RHOQ: variants seen among roughly 807,000 people sequenced by gnomAD.
The protein encoded by RHOQ is ras homolog family member Q.
Under a neutral mutation model 25.8 loss-of-function variants are expected in RHOQ, and 7 were observed. The ratio of observed to expected loss-of-function variants is 0.27; its 90% CI spans 0.15 to 0.51. The LOEUF (loss-of-function observed/expected upper bound fraction) is 0.51. Ranked by LOEUF, RHOQ falls within the 20% of genes least tolerant of loss-of-function variation. The pLI, the probability that RHOQ is intolerant of heterozygous loss-of-function variation, is 0.97. For synonymous variants in RHOQ, 97 were observed against 98.6 expected, an observed-to-expected ratio of 0.98 and a Z score of 0.10; for missense variants, 165 against 260.6, an observed-to-expected ratio of 0.63 and a Z score of 2.53.
chr2:46,543,879 C>T lies in RHOQ; in HGVS notation c.201+67C>T, dbSNP rs1274462046. ...CCAGTTCTTTGTGGCTGCGAAGGGCCTTTGGAAACCGAGGTGTCTAGGTGG... is the reference window on the plus strand; with the variant it reads ...CCAGTTCTTTGTGGCTGCGAAGGGCTTTTGGAAACCGAGGTGTCTAGGTGG... On this transcript the variant is annotated intron_variant, in intron 2 of 4. Transcript: ENST00000238738. The T allele has an allele frequency of 2.1e-6, 3 of 1,418,808 alleles. No individual in the cohort carries two copies. In the South Asian group the frequency reaches 3.6e-5, roughly 17 times the overall value. 87.9% of individuals were successfully genotyped at this position (1,418,808 alleles called of 1,614,324 possible).
At chr2:46,578,329 C>T (rs1452972592) in intron 4 of RHOQ, among the ~76,000 whole-genome samples, 1 of 151,818 alleles carries the variant, frequency 6.6e-6, no homozygotes, top group East Asian at 1.9e-4. Context: ...CAAGCAATTC[C>T]ATATGTAAGA....
intron 2 of RHOQ, chr2:46,560,761 A>G (rs1668551274): frequency 3.3e-6 from 1 of 304,370 alleles, no homozygotes; most frequent in Non-Finnish European, 6.9e-6. Flanking sequence ...TGTATAGACC[A>G]TGACTTTTCA....
rs567938869 is a variant in RHOQ at position 46,546,600 on chromosome 2, C to G, written c.201+2788C>G. On this transcript the variant is annotated intron_variant, in intron 2 of 4. Coordinates refer to ENST00000238738, the MANE Select transcript of RHOQ (RefSeq NM_012249.4). ...GGCTTTGGAACAAAACAGGCCTGGG[C>G]TCAGATCTCCACCTTAGCTAGTCAT... Among the ~76,000 whole-genome samples, 15 of 145,588 alleles carry G rather than the reference C, an allele frequency of 1.0e-4. No homozygotes were observed. The East Asian group carries it at 2.6e-3, about 25-fold the overall frequency.
At chr2:46,568,492 T>C (rs1558689664) in intron 2 of RHOQ, 1 of 152,170 alleles carries the variant, frequency 6.6e-6, no homozygotes, top group Non-Finnish European at 1.5e-5. Flanking sequence ...GCGTCAAACA[T>C]TGGTCATCAT....
Position 46,584,060 on chromosome 2 carries a change from T to C in RHOQ, c.*2977T>C, listed in dbSNP as rs1270829266. Among the ~76,000 whole-genome samples the C allele has an allele frequency of 2.6e-5, 4 of 152,216 alleles. No individual in the cohort carries two copies. The highest frequency in any genetic ancestry group is 9.6e-5 in the African/African-American group (4 of 41,468). On this transcript the variant is annotated 3_prime_UTR_variant, in exon 5 of 5. Transcript: ENST00000238738. ...GAGCTTGGATTAATGGGTTTTGTTATGAATTATCTTAGTGACTTTAGACAC... is the reference window on the plus strand; with the variant it reads ...GAGCTTGGATTAATGGGTTTTGTTACGAATTATCTTAGTGACTTTAGACAC...
Position 46,566,484 on chromosome 2 carries a change from C to G in RHOQ, c.202-9603C>G, listed in dbSNP as rs1558688871. 2.6e-5 allele frequency among the ~76,000 whole-genome samples: 4 copies of G among 152,180 alleles called. No individual in the cohort carries two copies. Among genetic ancestry groups the G allele is most frequent in the Admixed American group, 2.6e-4 (4 of 15,280 alleles). ...AATCCACCATTTCTCTAGCTGTCAACTGCTGTCCCTTAGTCTAAGCTTCCA... is the reference window on the plus strand; with the variant it reads ...AATCCACCATTTCTCTAGCTGTCAAGTGCTGTCCCTTAGTCTAAGCTTCCA... On this transcript the variant is annotated intron_variant, in intron 2 of 4. Coordinates refer to ENST00000238738, the MANE Select transcript of RHOQ (RefSeq NM_012249.4). The surrounding 1 kb of genome is among the most constrained non-coding windows in gnomAD (Gnocchi z 4.2).
At chr2:46,543,847 C>G (rs756797999) in intron 2 of RHOQ, 35 bp downstream of exon 2, 2 of 1,594,360 alleles carry the variant, frequency 1.3e-6, no homozygotes, top group African/African-American at 2.7e-5. Context: ...CGCCCCCCTC[C>G]TGTTCCCCAG....
At chr2:46,578,892 A>T (rs1431532223) in intron 4 of RHOQ, among the ~76,000 whole-genome samples, 1 of 123,866 alleles carries the variant, frequency 8.1e-6, no homozygotes, top group African/African-American at 3.6e-5. Flanking sequence ...TAATCATTTC[A>T]CTCGTGTGTG....
At position 46,581,511 on chromosome 2, in the gene RHOQ, C is replaced by A; in HGVS notation, c.*428C>A. Reference sequence around the variant, plus strand: ...TCTTGTATGTAAGTTGCTTTCTATTCCAGTATATCCAGAGTGGTGAAATAA... The same window carrying A: ...TCTTGTATGTAAGTTGCTTTCTATTACAGTATATCCAGAGTGGTGAAATAA... On this transcript the variant is annotated 3_prime_UTR_variant, in exon 5 of 5. Coordinates refer to ENST00000238738, the MANE Select transcript of RHOQ (RefSeq NM_012249.4). 1 of 1,611,462 alleles carries A rather than the reference C, an allele frequency of 6.2e-7. No homozygotes were observed.
At chr2:46,544,405 TAGG>T (rs772858678) in intron 2 of RHOQ, among the ~76,000 whole-genome samples, 3 of 152,172 alleles carry the variant, frequency 2.0e-5, no homozygotes, top group Non-Finnish European at 2.9e-5. Context: ...GAGGAAGGGT[TAGG>T]AGTTTAGAGT....
chr2:46,573,882 AATAAT>A (rs1002004213), intron 2 of RHOQ, among the ~76,000 whole-genome samples: 6 of 152,244 alleles, frequency 3.9e-5, no homozygotes, highest in African/African-American at 1.4e-4. Context: ...TGAGTACAGT[AATAAT>A]ATATCATTCT....
In RHOQ at chr2:46,581,178, A is replaced by C. The variant is rs1669354928; in HGVS notation, c.*95A>C. 5 of 1,072,150 alleles carry C rather than the reference A, an allele frequency of 4.7e-6. No individual in the cohort carries two copies. The highest frequency in any genetic ancestry group is 5.7e-5 in the Admixed American group (2 of 34,964). 66.4% of individuals were successfully genotyped at this position (1,072,150 alleles called of 1,614,324 possible). The stretch of plus-strand genomic sequence containing the variant: ...CCAGACCTTTTATAGGTAATGAAGC[A>C]GTTCAAAACTTGAAAGAAAACAAAA... On this transcript the variant is annotated 3_prime_UTR_variant, in exon 5 of 5. Coordinates refer to ENST00000238738, the MANE Select transcript of RHOQ (RefSeq NM_012249.4).
At chr2:46,549,962 C>G (rs1668190258) in intron 2 of RHOQ, among the ~76,000 whole-genome samples, 1 of 152,182 alleles carries the variant, frequency 6.6e-6, no homozygotes, top group Non-Finnish European at 1.5e-5. Context: ...GTGGCATGTT[C>G]TTGTCTGTAA....
intron 2 of RHOQ, among the ~76,000 whole-genome samples, chr2:46,571,828 G>A (rs763872840): frequency 3.3e-5 from 5 of 152,010 alleles, no homozygotes; most frequent in Non-Finnish European, 7.4e-5. Flanking sequence ...GAAATGTTTT[G>A]GATATGTATT....
intron 2 of RHOQ, among the ~76,000 whole-genome samples, chr2:46,559,199 T>C (rs1182763388): frequency 6.6e-6 from 1 of 152,184 alleles, no homozygotes; most frequent in Non-Finnish European, 1.5e-5. Context: ...TTTTGCCATG[T>C]TGTCCAAGCT....
rs570681989 is a variant in RHOQ, at chr2:46,554,183, C to A, written c.201+10371C>A. 2.6e-5 allele frequency among the ~76,000 whole-genome samples: 4 copies of A among 151,442 alleles called. 1 individual carries two copies. The East Asian group carries it at 7.7e-4, about 29-fold the overall frequency. ...GCCCCACAAAACACACCCCCATATA[C>A]CCTCATTTCTAGTTCTTTACACATG... On this transcript the variant is annotated intron_variant, in intron 2 of 4. Transcript: ENST00000238738.
chr2:46,574,336 C>CTTTTTTTTTT (rs11349816), intron 2 of RHOQ, among the ~76,000 whole-genome samples: 2 of 142,414 alleles, frequency 1.4e-5, no homozygotes, highest in Non-Finnish European at 1.5e-5. Flanking sequence ...CATACTGTTT[C>CTTTTTTTTTT]TTTTTTTTTT....
chr2:46,546,476 G>GTATA (rs1553418898), intron 2 of RHOQ, among the ~76,000 whole-genome samples: 24 of 13,090 alleles, frequency 1.8e-3, no homozygotes, highest in Admixed American at 5.1e-3. Flanking sequence ...ATATATATGT[G>GTATA]TATATATATA....
At chr2:46,558,978 G>A (rs1338377301) in intron 2 of RHOQ, among the ~76,000 whole-genome samples, 1 of 152,060 alleles carries the variant, frequency 6.6e-6, no homozygotes, top group African/African-American at 2.4e-5. Context: ...GTTTGAGACA[G>A]GCTCTCACTC....
Sources: allele counts gnomAD v4.1 joint callset (sites outside exome capture counted in the v4.1 genomes callset), GRCh38; gene constraint gnomAD v4.1.1; non-coding constraint Gnocchi (gnomAD v3.1); transcripts MANE v1.5; gene names NCBI Gene and HGNC (gene_info 2026-07-23, HGNC 2026-07-21).